Variants in RAB31 observed in about 807,000 individuals in gnomAD.
RAB31 encodes the protein RAB31, member RAS oncogene family.
In RAB31, 21 loss-of-function variants were observed where a neutral mutation model predicts 25.6. The ratio of observed to expected loss-of-function variants is 0.82; its 90% CI spans 0.58 to 1.18. The LOEUF (loss-of-function observed/expected upper bound fraction) is 1.18, where lower values mean the gene tolerates loss of function less well. RAB31 is among the 50% of genes most tolerant of loss of function. The pLI is 0.00. For missense variants in RAB31, 196 were observed against 250.1 expected, an observed-to-expected ratio of 0.78 and a Z score of 1.46; for synonymous variants, 87 against 84.0, an observed-to-expected ratio of 1.04 and a Z score of -0.20.
At chr18:9,791,894 C>T (rs1244814833) in intron 2 of RAB31, among the ~76,000 whole-genome samples, 7 of 152,316 alleles carry the variant, frequency 4.6e-5, no homozygotes, top group East Asian at 1.9e-4. Flanking sequence ...TGAACCACCG[C>T]GCCTGGCCAG....
chr18:9,759,298 G>A (rs1426875902), intron 1 of RAB31, among the ~76,000 whole-genome samples: 2 of 152,064 alleles, frequency 1.3e-5, no homozygotes, highest in Non-Finnish European at 2.9e-5. Context: ...AGCCTCCCAT[G>A]TACCTTGGAC....
intron 6 of RAB31, 125 bp from the exon 7 acceptor site, chr18:9,859,103 C>T: frequency 1.4e-6 from 1 of 701,144 alleles, no homozygotes; most frequent in Non-Finnish European, 2.4e-6. Context: ...AGAAAGGAGC[C>T]CCTCCAGGAA....
At chr18:9,775,411 A>G in intron 2 of RAB31, 54 bp downstream of exon 2, 1 of 1,609,550 alleles carries the variant, frequency 6.2e-7, no homozygotes, top group Middle Eastern at 1.7e-4. Flanking sequence ...CGGCATCAGA[A>G]TGACCACTCT....
At chr18:9,739,250 G>A (rs935229569) in intron 1 of RAB31, among the ~76,000 whole-genome samples, 8 of 152,252 alleles carry the variant, frequency 5.3e-5, no homozygotes, top group African/African-American at 1.2e-4. Context: ...CAAGGCAGGC[G>A]GATCATGAGG....
intron 5 of RAB31, among the ~76,000 whole-genome samples, 155 bp from the exon 6 acceptor site, chr18:9,845,427 C>A (rs2068756256): frequency 6.6e-6 from 1 of 152,218 alleles, no homozygotes; most frequent in Non-Finnish European, 1.5e-5. Flanking sequence ...TAAAAAGTCT[C>A]ACTCATACTA....
At position 9,818,468 on chromosome 18, in the gene RAB31, A is replaced by G. The variant is rs150213324; in HGVS notation, c.380+3246A>G. 3.9e-3 allele frequency among the ~76,000 whole-genome samples: 599 copies of G among 152,330 alleles called. 4 individuals are homozygous for G. Among genetic ancestry groups the G allele is most frequent in the African/African-American group, 0.013 (559 of 41,580 alleles). On this transcript the variant is annotated intron_variant, in intron 5 of 6. Coordinates refer to ENST00000578921, the MANE Select transcript of RAB31 (RefSeq NM_006868.4). ...CGTTTTGCATACATGGAATCGTACA[A>G]TATGTGGTCTTTTGTGACCATCTTC...
intron 5 of RAB31, among the ~76,000 whole-genome samples, chr18:9,827,272 A>G (rs1157395639): frequency 6.6e-6 from 1 of 152,030 alleles, no homozygotes; most frequent in Admixed American, 6.6e-5. Flanking sequence ...AATGAATCAG[A>G]AGGATGAGGG....
At chr18:9,765,710 TC>T (rs1420819183) in intron 1 of RAB31, among the ~76,000 whole-genome samples, 1 of 152,122 alleles carries the variant, frequency 6.6e-6, no homozygotes, top group East Asian at 1.9e-4. Flanking sequence ...GCAAAGTACT[TC>T]CGATCTCTTT....
rs61406561 is a variant in RAB31 at position 9,817,364 on chromosome 18, C to T, written c.380+2142C>T. ...TTGGTTATGTGGAACCAAAGCACAA[C>T]TGAAATTCAGGAGAAAGGGGAATTT... On this transcript the variant is annotated intron_variant, in intron 5 of 6. Transcript: ENST00000578921. 6.2e-3 allele frequency among the ~76,000 whole-genome samples: 947 copies of T among 152,254 alleles called. 3 individuals carry two copies. The highest frequency in any genetic ancestry group is 0.012 in the Non-Finnish European group (797 of 68,024).
intron 2 of RAB31, among the ~76,000 whole-genome samples, chr18:9,783,305 C>A (rs2068414774): frequency 6.6e-6 from 1 of 152,174 alleles, no homozygotes; most frequent in South Asian, 2.1e-4. Flanking sequence ...GCCTCTGCTT[C>A]CTCTTCCTGG....
chr18:9,844,097 C>T (rs1163094128), intron 5 of RAB31, among the ~76,000 whole-genome samples: 3 of 152,198 alleles, frequency 2.0e-5, no homozygotes, highest in Non-Finnish European at 2.9e-5. Flanking sequence ...CTCTTGCCTG[C>T]AGCATTAGAG....
At chr18:9,717,434 G>T (rs1599009682) in intron 1 of RAB31, among the ~76,000 whole-genome samples, 2 of 152,142 alleles carry the variant, frequency 1.3e-5, no homozygotes, top group East Asian at 3.9e-4. Flanking sequence ...GAAGGGGCCT[G>T]CAGGACAGCA....
intron 6 of RAB31, among the ~76,000 whole-genome samples, chr18:9,856,582 C>T (rs957340595): frequency 2.6e-5 from 4 of 152,158 alleles, no homozygotes; most frequent in African/African-American, 4.8e-5. Flanking sequence ...AGCATAAGGA[C>T]AGCACAAAGT....
In RAB31 at chr18:9,708,359, GC is replaced by G; in HGVS notation, c.-43del. Reference sequence around the variant, plus strand: ...ACGCCGGCGGGGCGCGGGCGCGGCGGCCCCGGAGGATGCTGCTGAGCCCCGG... The same window carrying G: ...ACGCCGGCGGGGCGCGGGCGCGGCGGCCCGGAGGATGCTGCTGAGCCCCGG... On this transcript the variant is annotated 5_prime_UTR_variant, in exon 1 of 7. Coordinates refer to ENST00000578921, the MANE Select transcript of RAB31 (RefSeq NM_006868.4). This position sits in a 1 kb window ranked among gnomAD's most constrained non-coding sequence, Gnocchi z 6.4. The G allele has an allele frequency of 1.4e-6, 2 of 1,459,346 alleles. No homozygotes were observed. The highest frequency in any genetic ancestry group is 1.8e-6 in the Non-Finnish European group (2 of 1,094,600). The allele number at this position is 1,459,346 out of a possible 1,614,324, so 90.4% of individuals were successfully genotyped here.
chr18:9,823,262 C>T (rs567014308), intron 5 of RAB31, among the ~76,000 whole-genome samples: 10 of 151,450 alleles, frequency 6.6e-5, no homozygotes, highest in Non-Finnish European at 1.0e-4. Flanking sequence ...GGGTGGGGGA[C>T]GGGGAGGAAA....
intron 5 of RAB31, among the ~76,000 whole-genome samples, chr18:9,821,409 T>C (rs2068623955): frequency 6.6e-6 from 1 of 152,146 alleles, no homozygotes. Context: ...AATTATATTT[T>C]GTCTTTATCA....
intron 6 of RAB31, among the ~76,000 whole-genome samples, chr18:9,857,018 A>G (rs1281903797): frequency 6.6e-6 from 1 of 152,138 alleles, no homozygotes; most frequent in Non-Finnish European, 1.5e-5. Context: ...ATGTCCAGAA[A>G]AGGAAAATTC....
At chr18:9,748,046 G>C (rs983280450) in intron 1 of RAB31, among the ~76,000 whole-genome samples, 3 of 152,186 alleles carry the variant, frequency 2.0e-5, no homozygotes, top group Non-Finnish European at 4.4e-5. Context: ...GCACAATTTC[G>C]ATGAGTTTCC....
intron 3 of RAB31, among the ~76,000 whole-genome samples, chr18:9,792,791 A>G (rs2068467675): frequency 6.6e-6 from 1 of 152,118 alleles, no homozygotes. Context: ...TGACCCCTAG[A>G]GGCAAGGGCT....
Sources: gnomAD v4.1 joint callset for allele counts (sites outside exome capture counted in the v4.1 genomes callset) on GRCh38, gnomAD v4.1.1 for gene constraint, Gnocchi (gnomAD v3.1) non-coding constraint, MANE v1.5 for transcripts, NCBI Gene and HGNC (gene_info 2026-07-23, HGNC 2026-07-21) for gene names.